The following PDS5A variants were observed in gnomAD, a reference collection of about 807,000 sequenced individuals.
PDS5A encodes the protein PDS5 cohesin associated factor A, also known as sister chromatid cohesion protein PDS5 homolog A.
A neutral mutation model predicts 167.1 loss-of-function variants in PDS5A; 42 were observed. That is an observed-to-expected ratio of 0.25 (90% CI 0.20 to 0.33). The LOEUF is 0.33. PDS5A is among the 10% of genes least tolerant of loss of function. The probability of loss-of-function intolerance (pLI) is 1.00; values close to 1 mark genes in which losing one functional copy is unlikely to be tolerated. For synonymous variants in PDS5A, 553 were observed against 554.6 expected, an observed-to-expected ratio of 1.00 and a Z score of 0.04; for missense variants, 1,033 against 1,605.9, an observed-to-expected ratio of 0.64 and a Z score of 6.10.
intron 2 of PDS5A, among the ~76,000 whole-genome samples, chr4:39,962,805 A>G: frequency 6.6e-6 from 1 of 151,898 alleles, no homozygotes; most frequent in Non-Finnish European, 1.5e-5. Flanking sequence ...GGCGAGGAAG[A>G]GGGGGAATTA....
intron 2 of PDS5A, among the ~76,000 whole-genome samples, chr4:39,934,216 G>C (rs1219236314): frequency 6.6e-6 from 1 of 152,146 alleles, no homozygotes; most frequent in Non-Finnish European, 1.5e-5. Flanking sequence ...TAGAGCACAG[G>C]ATTCAGCTCT....
chr4:39,916,432 T>C (rs1369473519), intron 8 of PDS5A, among the ~76,000 whole-genome samples: 1 of 152,184 alleles, frequency 6.6e-6, no homozygotes, highest in Non-Finnish European at 1.5e-5. Flanking sequence ...TTTAAAATAT[T>C]TTGATGTTCT....
intron 21 of PDS5A, among the ~76,000 whole-genome samples, 154 bp from the exon 22 acceptor site, chr4:39,869,616 T>C (rs923731120): frequency 5.9e-5 from 9 of 152,198 alleles, no homozygotes; most frequent in Admixed American, 1.3e-4. Flanking sequence ...AGAAGACTCA[T>C]ACTTCCCAAT....
chr4:39,865,748 G>A (rs1038694604), intron 23 of PDS5A, among the ~76,000 whole-genome samples: 10 of 152,202 alleles, frequency 6.6e-5, no homozygotes, highest in African/African-American at 2.4e-4. Context: ...TGATCTGCCT[G>A]ACTTGGCCTA....
intron 9 of PDS5A, among the ~76,000 whole-genome samples, chr4:39,912,803 G>A (rs1390350951): frequency 6.6e-6 from 1 of 152,220 alleles, no homozygotes; most frequent in Non-Finnish European, 1.5e-5. Context: ...ATAGAATTTA[G>A]TCATTCTAAG....
chr4:39,839,602 TGA>T (rs1716761623), intron 31 of PDS5A, among the ~76,000 whole-genome samples: 2 of 151,574 alleles, frequency 1.3e-5, no homozygotes, highest in East Asian at 1.9e-4. Flanking sequence ...GTTCAGAAAA[TGA>T]GAGTTTGGAT....
chr4:39,917,052 A>T lies in PDS5A; in HGVS notation c.872T>A (p.Leu291Gln). ...LSVMPQLEFK[L>Q]KSNDGEERLA... Reference sequence around the variant, plus strand: ...AAGAAAACTGGTCAATCTTACCTTTAGTTTGAATTCAAGCTGTGGCATGAC... The same window carrying T: ...AAGAAAACTGGTCAATCTTACCTTTTGTTTGAATTCAAGCTGTGGCATGAC... The change falls in exon 8 of 33, where the codon CTA (leucine) becomes CAA (glutamine). Residue 291 changes from leucine (L) to glutamine (Q), a missense_variant. By Grantham distance (113) the Leu-to-Gln change is moderately radical. Transcript: ENST00000303538. 1 of 1,482,016 alleles carries T rather than the reference A, an allele frequency of 6.7e-7. No homozygotes were observed. Among genetic ancestry groups the T allele is most frequent in the Non-Finnish European group, 8.9e-7 (1 of 1,117,782 alleles). 91.8% of individuals were successfully genotyped at this position (1,482,016 alleles called of 1,614,324 possible).
chr4:39,875,601 A>C (rs1431077582), intron 19 of PDS5A, among the ~76,000 whole-genome samples: 1 of 152,184 alleles, frequency 6.6e-6, no homozygotes, highest in East Asian at 1.9e-4. Flanking sequence ...AAATGGGAAC[A>C]TATGCTAGTT....
intron 32 of PDS5A, chr4:39,837,139 G>A (rs1359418306): frequency 6.6e-6 from 1 of 151,908 alleles, no homozygotes; most frequent in Non-Finnish European, 1.5e-5. Flanking sequence ...GCCTGACATT[G>A]AGTTTTATAA....
intron 2 of PDS5A, among the ~76,000 whole-genome samples, chr4:39,955,807 A>C (rs1483738990): frequency 1.3e-5 from 2 of 151,942 alleles, no homozygotes; most frequent in Non-Finnish European, 2.9e-5. Context: ...TAAAAAAAAA[A>C]GTCTGTTTAA....
intron 22 of PDS5A, among the ~76,000 whole-genome samples, chr4:39,867,813 TGA>T (rs768502240): frequency 1.7e-4 from 25 of 150,732 alleles, no homozygotes; most frequent in Non-Finnish European, 2.8e-4. Flanking sequence ...GAAAATAACT[TGA>T]GAGTTTCAGT....
At chr4:39,898,739 G>T in intron 15 of PDS5A, 38 bp downstream of exon 15, 1 of 1,312,076 alleles carries the variant, frequency 7.6e-7, no homozygotes, top group Non-Finnish European at 1.1e-6. Flanking sequence ...CTGCATTTAC[G>T]TTTACTACAT....
chr4:39,910,570 A>G (rs557204204), intron 9 of PDS5A, among the ~76,000 whole-genome samples: 1 of 152,362 alleles, frequency 6.6e-6, no homozygotes, highest in Middle Eastern at 3.4e-3. Context: ...AAACTAACTA[A>G]CAAAAAACAG....
intron 18 of PDS5A, 22 bp from the exon 19 acceptor site, chr4:39,877,175 T>G (rs748015677): frequency 2.0e-6 from 3 of 1,473,748 alleles, no homozygotes; most frequent in Non-Finnish European, 2.7e-6. Context: ...GATACAGCTT[T>G]AGAAGTACAG....
intron 32 of PDS5A, among the ~76,000 whole-genome samples, chr4:39,830,570 T>G (rs1426958988): frequency 1.3e-5 from 2 of 152,076 alleles, no homozygotes; most frequent in Non-Finnish European, 2.9e-5. Context: ...AGATTACAGG[T>G]GTGTGCCACC....
chr4:39,954,567 C>T (rs1405226453), intron 2 of PDS5A, among the ~76,000 whole-genome samples: 2 of 151,430 alleles, frequency 1.3e-5, no homozygotes, highest in Non-Finnish European at 2.9e-5. Context: ...GTGATCCACC[C>T]GCCTTGGCCT....
At chr4:39,932,830 CA>C (rs144780013) in intron 2 of PDS5A, 5 of 149,472 alleles carry the variant, frequency 3.3e-5, no homozygotes, top group Non-Finnish European at 5.9e-5. Context: ...GACTCCATTT[CA>C]AAAAAAAAGA....
rs1731172577 is a variant in PDS5A, at chr4:39,977,011, A to C, written c.-40-394T>G. On this transcript the variant is annotated intron_variant, in intron 1 of 32. Transcript: ENST00000303538. The surrounding 1 kb of genome is among the most constrained non-coding windows in gnomAD (Gnocchi z 4.2). ...CCCGGCCAGTCCCCTCCGGGAAACC[A>C]GACCCGAGGCCTATAGGGCTCGGCT... 6.6e-6 allele frequency among the ~76,000 whole-genome samples: 1 copy of C among 152,032 alleles called. No homozygotes were observed.
chr4:39,943,386 T>C (rs1394913750), intron 2 of PDS5A, among the ~76,000 whole-genome samples: 1 of 152,128 alleles, frequency 6.6e-6, no homozygotes, highest in African/African-American at 2.4e-5. Context: ...CATTACTTAA[T>C]AAGACAAGGT....
Sources: gnomAD v4.1 joint callset for allele counts (sites outside exome capture counted in the v4.1 genomes callset) on GRCh38, gnomAD v4.1.1 for gene constraint, Gnocchi (gnomAD v3.1) non-coding constraint, MANE v1.5 for transcripts, NCBI Gene and HGNC (gene_info 2026-07-23, HGNC 2026-07-21) for gene names.